The following GLRA2 variants were observed in gnomAD, a reference collection of about 807,000 sequenced individuals.
GLRA2 encodes glycine receptor alpha 2.
In GLRA2, 11 loss-of-function variants were observed where a neutral mutation model predicts 31.6. That is an observed-to-expected ratio of 0.35 (90% CI 0.22 to 0.58). The LOEUF (loss-of-function observed/expected upper bound fraction) is 0.58, where lower values mean the gene tolerates loss of function less well. GLRA2 is among the 20% of genes least tolerant of loss of function. The pLI is 0.84. For synonymous variants in GLRA2, 132 were observed against 134.0 expected (o/e 0.99, Z 0.10); for missense variants, 212 against 351.8 (o/e 0.60, Z 3.18).
At chrX:14,589,680 T>A (rs189508558) in intron 4 of GLRA2, among the ~76,000 whole-genome samples, 2,152 of 55,652 alleles carry the variant, frequency 0.039, 21 homozygotes, top group Non-Finnish European at 0.051. Flanking sequence ...CAAAAAAATA[T>A]ATATATATAT....
At chrX:14,469,956 C>G in the GLRA2 span, among the ~76,000 whole-genome samples, 270 of 111,181 alleles carry the variant, frequency 2.4e-3, 2 homozygotes, top group African/African-American at 8.4e-3. Context: ...AGTCAATGCA[C>G]CTTATGTAGA....
chrX:14,620,751 A>T (rs2090506198), intron 7 of GLRA2, among the ~76,000 whole-genome samples: 1 of 111,636 alleles, frequency 9.0e-6, no homozygotes, highest in Non-Finnish European at 1.9e-5. Context: ...GTCTCATAAA[A>T]TCTTAGAGTT....
At chrX:14,674,701 T>G (rs1479128196) in intron 7 of GLRA2, among the ~76,000 whole-genome samples, 3 of 111,472 alleles carry the variant, frequency 2.7e-5, no homozygotes, top group Non-Finnish European at 5.7e-5. Flanking sequence ...TTTTCCTTTT[T>G]TTTCTTTCTT....
At chrX:14,683,621 C>G (rs1236742957) in intron 7 of GLRA2, among the ~76,000 whole-genome samples, 1 of 111,483 alleles carries the variant, frequency 9.0e-6, no homozygotes, top group Non-Finnish European at 1.9e-5. Flanking sequence ...AAGTCCTTGC[C>G]CATGCCTATG....
the GLRA2 span, among the ~76,000 whole-genome samples, chrX:14,485,209 T>C: frequency 8.9e-6 from 1 of 112,074 alleles, no homozygotes; most frequent in South Asian, 3.7e-4. Flanking sequence ...GAGTGTGAGG[T>C]TATCTCTAGG....
the GLRA2 span, among the ~76,000 whole-genome samples, chrX:14,470,134 G>A: frequency 9.0e-6 from 1 of 111,679 alleles, no homozygotes; most frequent in East Asian, 2.8e-4. Context: ...CAGGTTTCAT[G>A]TTCTACTTTG....
At chrX:14,600,746 A>G (rs28588451) in intron 4 of GLRA2, among the ~76,000 whole-genome samples, 26,978 of 109,898 alleles carry the variant, frequency 0.25, 2,574 homozygotes, top group Non-Finnish European at 0.3. Context: ...ATTATTTACT[A>G]TTTTCACCAA....
At chrX:14,544,148 A>G (rs2089445901) in intron 2 of GLRA2, among the ~76,000 whole-genome samples, 1 of 112,146 alleles carries the variant, frequency 8.9e-6, no homozygotes, top group Non-Finnish European at 1.9e-5. Flanking sequence ...AAGTTAGAAT[A>G]TTATTGCAGT....
At chrX:14,489,543 G>A in the GLRA2 span, among the ~76,000 whole-genome samples, 1 of 112,151 alleles carries the variant, frequency 8.9e-6, no homozygotes, top group East Asian at 2.8e-4. Flanking sequence ...TGGGCTTCCC[G>A]CCTTGCAGAC....
chrX:14,472,460 C>G, the GLRA2 span, among the ~76,000 whole-genome samples: 1 of 110,858 alleles, frequency 9.0e-6, no homozygotes, highest in Non-Finnish European at 1.9e-5. Context: ...CATATCATCC[C>G]ATTGTCTAGG....
the GLRA2 span, among the ~76,000 whole-genome samples, chrX:14,468,850 G>C: frequency 1.8e-5 from 2 of 108,679 alleles, no homozygotes; most frequent in African/African-American, 3.4e-5. Flanking sequence ...TTTTAATGAT[G>C]GCCATTCTAA....
chrX:14,524,971 C>G (rs1479009979), upstream of GLRA2, among the ~76,000 whole-genome samples: 1 of 110,500 alleles, frequency 9.0e-6, no homozygotes, highest in Admixed American at 9.7e-5. Context: ...AATTGATAAA[C>G]TTACACAAAC....
At chrX:14,448,813 G>A in the GLRA2 span, among the ~76,000 whole-genome samples, 1 of 110,228 alleles carries the variant, frequency 9.1e-6, no homozygotes, top group Non-Finnish European at 1.9e-5. Context: ...GGGGAGCCAG[G>A]ACACAGCTCA....
intron 4 of GLRA2, among the ~76,000 whole-genome samples, chrX:14,586,155 G>C (rs1569503320): frequency 9.0e-6 from 1 of 111,149 alleles, no homozygotes; most frequent in East Asian, 2.8e-4. Flanking sequence ...ATTCCAAAAG[G>C]TAGGGGTCTA....
At chrX:14,664,045 T>A (rs1437871172) in intron 7 of GLRA2, among the ~76,000 whole-genome samples, 7 of 111,820 alleles carry the variant, frequency 6.3e-5, no homozygotes, top group African/African-American at 1.3e-4. Flanking sequence ...ATATTCTTTT[T>A]TAACTCATTA....
Position 14,559,968 on chromosome X carries a change from C to G in GLRA2, c.203-14365C>G, listed in dbSNP as rs749561102. Among the ~76,000 whole-genome samples, 7 of 111,708 alleles carry G rather than the reference C, an allele frequency of 6.3e-5. No homozygotes were observed. In the South Asian group the frequency reaches 2.7e-3, roughly 43 times the overall value. ...TGATCCTCCTATCCTCCAAGGCTCT[C>G]TCTTTCATGGGCATCAAAGCACCAT... On this transcript the variant is annotated intron_variant, in intron 2 of 8. Transcript: ENST00000218075.
intron 8 of GLRA2, among the ~76,000 whole-genome samples, chrX:14,701,120 G>T (rs1339539425): frequency 9.0e-6 from 1 of 110,745 alleles, no homozygotes; most frequent in Non-Finnish European, 1.9e-5. Flanking sequence ...GAATAAAGAG[G>T]GAGGTGACAG....
the GLRA2 span, among the ~76,000 whole-genome samples, chrX:14,455,043 A>G: frequency 1.8e-5 from 2 of 111,734 alleles, no homozygotes; most frequent in African/African-American, 6.5e-5. Context: ...TATCTTTATT[A>G]CCTTTAAGAT....
intron 2 of GLRA2, among the ~76,000 whole-genome samples, chrX:14,544,841 G>C (rs1479604440): frequency 9.0e-6 from 1 of 111,330 alleles, no homozygotes; most frequent in African/African-American, 3.3e-5. Flanking sequence ...CCTCCTCCAT[G>C]CTTTCTCTGA....
Sources: gnomAD v4.1 joint callset for allele counts (sites outside exome capture counted in the v4.1 genomes callset) on GRCh38, gnomAD v4.1.1 for gene constraint, MANE v1.5 for transcripts, NCBI Gene and HGNC (gene_info 2026-07-23, HGNC 2026-07-21) for gene names.